Variants in GGNBP2 observed in about 807,000 individuals in gnomAD.
GGNBP2 encodes gametogenetin-binding protein 2.
In GGNBP2, 10 loss-of-function variants were observed where a neutral mutation model predicts 85.9. That is an observed-to-expected ratio of 0.12 (90% CI 0.07 to 0.20). The LOEUF is 0.20. Among genes scored for constraint, GGNBP2 ranks in the 10% least tolerant of loss-of-function variants. The pLI is 1.00. For synonymous variants in GGNBP2, 287 were observed against 285.7 expected (o/e 1.00, Z -0.05); for missense variants, 595 against 857.8 (o/e 0.69, Z 3.83).
chr17:36,547,581 A>G (rs1047980340), intron 2 of GGNBP2: 2 of 152,234 alleles, frequency 1.3e-5, no homozygotes, highest in African/African-American at 4.8e-5. Flanking sequence ...TTTATACTGT[A>G]TTCTCTCCAC....
chr17:36,582,992 A>AGT (rs1395243107), intron 9 of GGNBP2, among the ~76,000 whole-genome samples: 1 of 152,188 alleles, frequency 6.6e-6, no homozygotes, highest in East Asian at 1.9e-4. Flanking sequence ...AGTGAGAAGA[A>AGT]TGGTATTATA....
intron 1 of GGNBP2, 173 bp from the exon 2 acceptor site, chr17:36,545,446 G>T (rs12945944): frequency 2.5e-6 from 1 of 393,296 alleles, no homozygotes; most frequent in East Asian, 3.8e-5. Context: ...AGCGCGGCGC[G>T]AGGGGGGCGG....
Position 36,580,740 on chromosome 17 carries a change from C to T in GGNBP2, c.1021-604C>T, listed in dbSNP as rs371371399. On this transcript the variant is annotated intron_variant, in intron 8 of 13. Transcript: ENST00000613102. ...TTCGAGACCAACCTGGCCATGATGG[C>T]GAAACCCTGTCTCTACTAAATATAC... Among the ~76,000 whole-genome samples the T allele has an allele frequency of 9.3e-5, 14 of 150,634 alleles. No individual in the cohort carries two copies. In the East Asian group the frequency reaches 2.9e-3, roughly 31 times the overall value.
intron 2 of GGNBP2, among the ~76,000 whole-genome samples, 185 bp from the exon 3 acceptor site, chr17:36,554,635 C>T (rs1435714006): frequency 6.6e-6 from 1 of 151,914 alleles, no homozygotes; most frequent in Non-Finnish European, 1.5e-5. Context: ...ACTGGCCTCC[C>T]AAAGTGCTGG....
chr17:36,570,742 C>T (rs1261610763), intron 6 of GGNBP2, among the ~76,000 whole-genome samples: 1 of 147,882 alleles, frequency 6.8e-6, no homozygotes, highest in Non-Finnish European at 1.5e-5. Context: ...CGGTAGAGGC[C>T]GGGCATGGTG....
rs2074368778 is a variant in GGNBP2, at chr17:36,557,008, A to G, written c.175-75A>G. On this transcript the variant is annotated intron_variant, in intron 3 of 13. Transcript: ENST00000613102. Reference sequence around the variant, plus strand: ...AGGTTGTACTTTACTGCACAAGGATAGGAACCAGTAGTAGTGAAAGTGTAA... The same window carrying G: ...AGGTTGTACTTTACTGCACAAGGATGGGAACCAGTAGTAGTGAAAGTGTAA... 5 of 1,558,552 alleles carry G rather than the reference A, an allele frequency of 3.2e-6. No individual in the cohort carries two copies. The East Asian group carries it at 6.7e-5, about 21-fold the overall frequency.
chr17:36,558,676 G>C (rs185119455), intron 4 of GGNBP2, among the ~76,000 whole-genome samples: 1 of 151,422 alleles, frequency 6.6e-6, no homozygotes, highest in African/African-American at 2.4e-5. Flanking sequence ...TGTTGGTCTT[G>C]AACTCCTGAC....
At chr17:36,576,584 A>AATATATAT (rs1567494450) in intron 6 of GGNBP2, 7 of 47,148 alleles carry the variant, frequency 1.5e-4, no homozygotes, top group South Asian at 1.0e-3. Flanking sequence ...AAAAAAAAAA[A>AATATATAT]ATATATATAT....
Position 36,558,936 on chromosome 17 carries a change from A to C in GGNBP2, c.428+1600A>C, listed in dbSNP as rs143633165. ...CTGGATATATTTTGAGGAATGAGCC[A>C]GTGGGATTTTTTGGATAGATTGGTT... On this transcript the variant is annotated intron_variant, in intron 4 of 13. Transcript: ENST00000613102. 5.2e-3 allele frequency among the ~76,000 whole-genome samples: 799 copies of C among 152,242 alleles called. 13 individuals carry two copies. Among genetic ancestry groups the C allele is most frequent in the East Asian group, 0.026 (132 of 5,174 alleles).
intron 2 of GGNBP2, among the ~76,000 whole-genome samples, chr17:36,553,368 T>C (rs770894080): frequency 4.7e-4 from 71 of 152,212 alleles, no homozygotes; most frequent in Non-Finnish European, 8.5e-4. Context: ...ATTCCTCCGT[T>C]ATCAAGAAAA....
chr17:36,575,648 A>ATATTTTTTTTTTT (rs374366757), intron 6 of GGNBP2, among the ~76,000 whole-genome samples: 3 of 54,916 alleles, frequency 5.5e-5, no homozygotes, highest in South Asian at 8.3e-4. Flanking sequence ...ATATATATAT[A>ATATTTTTTTTTTT]TTTTTTTTTT....
chr17:36,555,787 A>G (rs1229254380), intron 3 of GGNBP2, among the ~76,000 whole-genome samples: 1 of 152,246 alleles, frequency 6.6e-6, no homozygotes, highest in Non-Finnish European at 1.5e-5. Flanking sequence ...ACCTAATACA[A>G]TGTAAATGCT....
rs1374483802 is a variant in GGNBP2 at position 36,579,296 on chromosome 17, G to C, written c.897G>C (p.Leu299=). ...KTIDIAQEEV[L]TCLGIHLYER... is the part of the protein sequence containing the mutation. ...TAGATATAGCTCAAGAAGAAGTTCT[G>C]ACCTGCTTGGGAATTCATCTTTATG... Residue 299 remains leucine, a synonymous_variant, in exon 8 of 14, where the codon CTG becomes CTC. Coordinates refer to ENST00000613102, the MANE Select transcript of GGNBP2 (RefSeq NM_024835.5). 6.2e-7 allele frequency: 1 copy of C among 1,614,054 alleles called. No individual in the cohort carries two copies. The highest frequency in any genetic ancestry group is 8.5e-7 in the Non-Finnish European group (1 of 1,180,006).
At chr17:36,573,436 A>G (rs979834510) in intron 6 of GGNBP2, among the ~76,000 whole-genome samples, 20 of 152,202 alleles carry the variant, frequency 1.3e-4, no homozygotes, top group Non-Finnish European at 2.4e-4. Context: ...ATTGATGGAC[A>G]TTGAAGGTTG....
chr17:36,560,982 A>G (rs2074411114), intron 5 of GGNBP2, 111 bp downstream of exon 5: 3 of 591,516 alleles, frequency 5.1e-6, no homozygotes, highest in South Asian at 5.1e-5. Context: ...AATTGGTTAT[A>G]CTCTATGACA....
At chr17:36,572,594 C>T (rs954302035) in intron 6 of GGNBP2, among the ~76,000 whole-genome samples, 1 of 152,022 alleles carries the variant, frequency 6.6e-6, no homozygotes. Flanking sequence ...GTGGATGAGG[C>T]GGGGAGGGTC....
chr17:36,560,728 A>G (rs1462916135), intron 4 of GGNBP2, 45 bp from the exon 5 acceptor site: 5 of 1,126,148 alleles, frequency 4.4e-6, no homozygotes, highest in South Asian at 4.3e-5. Flanking sequence ...TTAAAATTTG[A>G]AAGTAAAATG....
Position 36,557,063 on chromosome 17 carries a change from AT to A in GGNBP2, c.175-16del, listed in dbSNP as rs1201640582. The A allele has an allele frequency of 1.2e-6, 2 of 1,613,326 alleles. No individual in the cohort carries two copies. The highest frequency in any genetic ancestry group is 3.3e-5 in the Admixed American group (2 of 59,996). On this transcript the variant is annotated intron_variant, in intron 3 of 13. Transcript: ENST00000613102. ...ACGTCTTTTTAAAGGACACTCTTTC[AT>A]TTTCTTTCCCTCTTTCAGCGACATG... is the stretch of plus-strand genomic sequence containing the variant.
intron 2 of GGNBP2, among the ~76,000 whole-genome samples, chr17:36,550,335 TTTTG>T (rs2074297139): frequency 6.6e-6 from 1 of 152,192 alleles, no homozygotes; most frequent in Non-Finnish European, 1.5e-5. Context: ...TTTTTTTTCT[TTTTG>T]TTCTTGTTTG....
Sources: gnomAD v4.1 joint callset for allele counts (sites outside exome capture counted in the v4.1 genomes callset) on GRCh38, gnomAD v4.1.1 for gene constraint, MANE v1.5 for transcripts, NCBI Gene and HGNC (gene_info 2026-07-23, HGNC 2026-07-21) for gene names.